Variants in PRPF18 observed in about 807,000 individuals in gnomAD.
PRPF18 encodes pre-mRNA processing factor 18.
In PRPF18, 38 loss-of-function variants were observed where a neutral mutation model predicts 46.5. The observed-to-expected ratio is 0.82, with a 90% CI of 0.63 to 1.07. The LOEUF (loss-of-function observed/expected upper bound fraction) is 1.07, where lower values mean the gene tolerates loss of function less well. PRPF18 is among the 50% of genes least tolerant of loss of function. PRPF18 has a pLI of 0.00. For synonymous variants in PRPF18, 152 were observed against 146.7 expected (o/e 1.04, Z -0.26); for missense variants, 263 against 410.0 (o/e 0.64, Z 3.10).
the PRPF18 span, chr10:13,639,886 C>T: frequency 6.6e-6 from 1 of 152,208 alleles, no homozygotes; most frequent in Non-Finnish European, 1.5e-5. Context: ...CTCCCCCCTT[C>T]TATTTGCTTT....
At chr10:13,647,117 A>G in the PRPF18 span, 7,509 of 189,972 alleles carry the variant, frequency 0.04, 500 homozygotes, top group African/African-American at 0.14. Flanking sequence ...TGAGAAGGAT[A>G]TGTTCACCTT....
At chr10:13,654,137 A>T in the PRPF18 span, 3 of 531,364 alleles carry the variant, frequency 5.6e-6, no homozygotes, top group Admixed American at 6.9e-5. Context: ...AAATCTTACC[A>T]AAGAAGCACA....
intron 3 of PRPF18, 49 bp downstream of exon 3, chr10:13,600,397 T>C (rs756213420): frequency 6.7e-5 from 91 of 1,352,606 alleles, no homozygotes; most frequent in Middle Eastern, 3.7e-4. Flanking sequence ...CCACGGTGTT[T>C]ACATTTATCT....
the PRPF18 span, chr10:13,646,478 C>T: frequency 6.6e-6 from 1 of 152,256 alleles, no homozygotes; most frequent in African/African-American, 2.4e-5. Flanking sequence ...CTGAATATGC[C>T]ACGAGGCCTC....
chr10:13,636,006 G>A, the PRPF18 span, among the ~76,000 whole-genome samples: 5 of 152,222 alleles, frequency 3.3e-5, no homozygotes, highest in Non-Finnish European at 5.9e-5. Flanking sequence ...ACAGAAACTT[G>A]TAAGCCATCT....
At chr10:13,615,906 G>C (rs117284174) in intron 8 of PRPF18, among the ~76,000 whole-genome samples, 1 of 152,102 alleles carries the variant, frequency 6.6e-6, no homozygotes, top group Non-Finnish European at 1.5e-5. Flanking sequence ...TGTGGTCGTC[G>C]GCACATACTG....
the PRPF18 span, chr10:13,645,664 T>G: frequency 6.6e-6 from 1 of 152,580 alleles, no homozygotes; most frequent in African/African-American, 2.4e-5. Flanking sequence ...CTGATATTTT[T>G]TTCAACCCTG....
At chr10:13,587,327 G>A in intron 1 of PRPF18, 175 bp downstream of exon 1, 1 of 679,894 alleles carries the variant, frequency 1.5e-6, no homozygotes, top group South Asian at 1.7e-5. Flanking sequence ...TCTCACTGTT[G>A]AGGCTGGAGA....
At chr10:13,650,998 A>G in the PRPF18 span, 1 of 152,200 alleles carries the variant, frequency 6.6e-6, no homozygotes, top group African/African-American at 2.4e-5. Flanking sequence ...TGCTCCTTGT[A>G]TATCTTCTGA....
At chr10:13,640,352 T>C in the PRPF18 span, 1 of 152,312 alleles carries the variant, frequency 6.6e-6, no homozygotes, top group African/African-American at 2.4e-5. Context: ...TGGTCCGAGA[T>C]ATAATAGGCA....
chr10:13,628,488 T>A (rs2080544063), intron 9 of PRPF18, among the ~76,000 whole-genome samples: 1 of 152,232 alleles, frequency 6.6e-6, no homozygotes, highest in Non-Finnish European at 1.5e-5. Context: ...TTACTTACAA[T>A]ACCCAACACA....
At chr10:13,614,697 G>A (rs73574288) in intron 8 of PRPF18, among the ~76,000 whole-genome samples, 110 of 152,314 alleles carry the variant, frequency 7.2e-4, no homozygotes, top group African/African-American at 2.5e-3. Context: ...GTGAGGGAAA[G>A]GGTGCTGGTG....
intron 4 of PRPF18, among the ~76,000 whole-genome samples, 157 bp downstream of exon 4, chr10:13,605,901 A>G (rs1279361026): frequency 6.6e-6 from 1 of 152,230 alleles, no homozygotes; most frequent in African/African-American, 2.4e-5. Context: ...AAAAGCTCAT[A>G]TCTTAAGTAT....
At chr10:13,655,107 C>G in the PRPF18 span, 1 of 152,474 alleles carries the variant, frequency 6.6e-6, no homozygotes, top group Non-Finnish European at 1.5e-5. Context: ...TACGCATTTA[C>G]TGATGTAGGC....
At chr10:13,591,894 G>A in intron 1 of PRPF18, 1 of 1,421,022 alleles carries the variant, frequency 7.0e-7, no homozygotes, top group Non-Finnish European at 9.5e-7. Context: ...CCGGGGTAAT[G>A]CTGGTTCGCA....
intron 6 of PRPF18, among the ~76,000 whole-genome samples, chr10:13,612,299 G>A (rs192252242): frequency 5.0e-4 from 76 of 152,196 alleles, no homozygotes; most frequent in African/African-American, 1.8e-3. Flanking sequence ...TTGAGGCAGA[G>A]TCTTGCTCTG....
intron 6 of PRPF18, among the ~76,000 whole-genome samples, chr10:13,612,464 G>C (rs2080283232): frequency 6.6e-6 from 1 of 150,826 alleles, no homozygotes; most frequent in Non-Finnish European, 1.5e-5. Context: ...TATTTTTTTA[G>C]TAAAGAGACA....
At chr10:13,600,679 A>T (rs1035573738) in intron 3 of PRPF18, among the ~76,000 whole-genome samples, 3 of 152,202 alleles carry the variant, frequency 2.0e-5, no homozygotes, top group African/African-American at 7.2e-5. Context: ...CCTTTCCCTT[A>T]TTTAATAATA....
At position 13,611,617 on chromosome 10, in the gene PRPF18, G is replaced by A. The variant is rs368540337; in HGVS notation, c.513G>A (p.Ala171=). The A allele has an allele frequency of 3.5e-5, 57 of 1,613,150 alleles. No homozygotes were observed. The highest frequency in any genetic ancestry group is 3.3e-4 in the Middle Eastern group (2 of 6,084). ...EENTTIEELE[A]LGESLGKGDD... is the part of the protein sequence containing the mutation. Reference sequence around the variant, plus strand: ...AAGCATTGTTTCTTTTTCTTCAGGCGCTTGGAGAGTCCTTAGGGAAAGGCG... The same window carrying A: ...AAGCATTGTTTCTTTTTCTTCAGGCACTTGGAGAGTCCTTAGGGAAAGGCG... The change falls in exon 6 of 10, where the codon GCG becomes GCA. Residue 171 remains alanine (A), a splice_region_variant and synonymous_variant. Transcript: ENST00000378572.
Sources: gnomAD v4.1 joint callset for allele counts (sites outside exome capture counted in the v4.1 genomes callset) on GRCh38, gnomAD v4.1.1 for gene constraint, MANE v1.5 for transcripts, NCBI Gene and HGNC (gene_info 2026-07-23, HGNC 2026-07-21) for gene names.